TTC17: variants seen among roughly 807,000 people sequenced by gnomAD.
The protein encoded by TTC17 is tetratricopeptide repeat protein 17.
In TTC17, 58 loss-of-function variants were observed where a neutral mutation model predicts 143.8. That is an observed-to-expected ratio of 0.40 (90% CI 0.33 to 0.50). TTC17 has a LOEUF of 0.50. Among genes scored for constraint, TTC17 ranks in the 20% least tolerant of loss-of-function variants. The probability of loss-of-function intolerance (pLI) is 0.49; values close to 1 mark genes in which losing one functional copy is unlikely to be tolerated. For missense variants in TTC17, 1,273 were observed against 1,392.5 expected (o/e 0.91, Z 1.37); for synonymous variants, 501 against 497.8 (o/e 1.01, Z -0.09).
chr11:43,386,498 C>T (rs187426112), intron 2 of TTC17, among the ~76,000 whole-genome samples: 44 of 152,212 alleles, frequency 2.9e-4, no homozygotes, highest in Admixed American at 2.5e-3. Context: ...CCCTTGTTAA[C>T]CAAAAACATC....
chr11:43,408,193 A>C (rs1302274438), intron 15 of TTC17, among the ~76,000 whole-genome samples: 1 of 152,184 alleles, frequency 6.6e-6, no homozygotes, highest in Non-Finnish European at 1.5e-5. Flanking sequence ...AGTTATAATA[A>C]ATATACAATT....
At chr11:43,450,715 T>C (rs189193561) in intron 20 of TTC17, among the ~76,000 whole-genome samples, 161 of 152,298 alleles carry the variant, frequency 1.1e-3, no homozygotes, top group African/African-American at 3.3e-3. Context: ...TTAGAAAATA[T>C]ATAGAAATAT....
At chr11:43,402,572 A>AT (rs1315000730) in intron 10 of TTC17, among the ~76,000 whole-genome samples, 2 of 152,246 alleles carry the variant, frequency 1.3e-5, no homozygotes, top group East Asian at 1.9e-4. Context: ...AATTCTGAGT[A>AT]TAAAAAAAAA....
At chr11:43,465,491 T>TC (rs1032763246) in intron 21 of TTC17, among the ~76,000 whole-genome samples, 1 of 151,878 alleles carries the variant, frequency 6.6e-6, no homozygotes, top group African/African-American at 2.4e-5. Context: ...AAGGGAAATT[T>TC]CCCCCCAGAT....
intron 1 of TTC17, among the ~76,000 whole-genome samples, chr11:43,363,743 TAGTA>T (rs1565125919): frequency 2.0e-5 from 3 of 152,322 alleles, no homozygotes; most frequent in Admixed American, 2.0e-4. Flanking sequence ...TTCGTGGCAA[TAGTA>T]AGTAAAAATG....
At position 43,419,405 on chromosome 11, in the gene TTC17, A is replaced by G. The variant is rs562201373; in HGVS notation, c.2251+4629A>G. Among the ~76,000 whole-genome samples the G allele has an allele frequency of 2.0e-5, 3 of 152,320 alleles. No homozygotes were observed. The East Asian group carries it at 5.8e-4, about 29-fold the overall frequency. ...TATAGCATCTATTTATGTAAATCAT[A>G]TCTCCTTTTATAACTTGTTTCATTG... On this transcript the variant is annotated intron_variant, in intron 16 of 23. Transcript: ENST00000039989.
intron 1 of TTC17, among the ~76,000 whole-genome samples, chr11:43,371,957 AG>A (rs1268445133): frequency 7.2e-5 from 11 of 152,328 alleles, no homozygotes; most frequent in Admixed American, 6.5e-4. Flanking sequence ...CTGTAGTCCC[AG>A]TTACTCCGGA....
At chr11:43,375,861 A>G (rs1319180280) in intron 1 of TTC17, among the ~76,000 whole-genome samples, 7 of 152,218 alleles carry the variant, frequency 4.6e-5, no homozygotes, top group African/African-American at 1.7e-4. Flanking sequence ...TGGCAGTGAA[A>G]TAATTACCCT....
At position 43,396,784 on chromosome 11, in the gene TTC17, G is replaced by C; in HGVS notation, c.739G>C (p.Glu247Gln). 6.2e-7 allele frequency: 1 copy of C among 1,610,750 alleles called. No individual in the cohort carries two copies. The highest frequency in any genetic ancestry group is 8.5e-7 in the Non-Finnish European group (1 of 1,177,506). The change falls in exon 6 of 24, where the codon GAA (glutamate) becomes CAA (glutamine). Residue 247 changes from glutamate (E) to glutamine (Q), a missense_variant. By Grantham distance (29) the Glu-to-Gln change is conservative (BLOSUM62 2). This residue lies in a region of TTC17 where 325 missense variants were observed against 444.2 expected (regional missense o/e 0.73). Coordinates refer to ENST00000039989, the MANE Select transcript of TTC17 (RefSeq NM_018259.6). ...RIKNEPYQVV[E>Q]CAMRALHFSS... ...TAAGAATGAGCCATATCAGGTAGTA[G>C]AATGTGCCATGCGAGCACTTCACTT...
At chr11:43,447,909 C>CA (rs1947579380) in intron 18 of TTC17, 93 bp from the exon 19 acceptor site, 2 of 1,499,660 alleles carry the variant, frequency 1.3e-6, no homozygotes, top group Non-Finnish European at 9.0e-7. Flanking sequence ...CCTCCAAATA[C>CA]ACCAATCCAG....
chr11:43,385,423 G>C (rs1857133234), intron 2 of TTC17, among the ~76,000 whole-genome samples: 1 of 150,054 alleles, frequency 6.7e-6, no homozygotes, highest in African/African-American at 2.4e-5. Flanking sequence ...CAGGAAAAAA[G>C]AGAGAAAACA....
intron 21 of TTC17, chr11:43,466,753 G>A: frequency 6.4e-6 from 2 of 311,168 alleles, no homozygotes; most frequent in South Asian, 3.5e-5. Flanking sequence ...TGGTGGGATG[G>A]CAAGCATGTG....
At chr11:43,457,142 G>C (rs1182543273) in intron 21 of TTC17, among the ~76,000 whole-genome samples, 2 of 151,964 alleles carry the variant, frequency 1.3e-5, no homozygotes, top group Non-Finnish European at 2.9e-5. Context: ...TGGCACTCTG[G>C]GGATTCTGAT....
At chr11:43,490,986 T>G (rs145270203) in intron 22 of TTC17, 14 of 152,284 alleles carry the variant, frequency 9.2e-5, no homozygotes, top group Non-Finnish European at 2.1e-4. Flanking sequence ...TCATGTGTTC[T>G]GAGTTCTGCA....
intron 21 of TTC17, among the ~76,000 whole-genome samples, chr11:43,474,707 A>G (rs191398925): frequency 9.2e-5 from 14 of 152,338 alleles, no homozygotes; most frequent in African/African-American, 3.4e-4. Flanking sequence ...AAATCCACAT[A>G]TAACTTTTGA....
intron 21 of TTC17, among the ~76,000 whole-genome samples, chr11:43,487,207 G>A (rs966303962): frequency 3.3e-5 from 5 of 152,014 alleles, no homozygotes; most frequent in African/African-American, 7.2e-5. Context: ...GTGTAGTGGC[G>A]CAATCTTGGT....
chr11:43,471,696 A>G (rs897855667), intron 21 of TTC17, among the ~76,000 whole-genome samples: 3 of 152,252 alleles, frequency 2.0e-5, no homozygotes, highest in Admixed American at 1.3e-4. Context: ...AGGTTTTAGC[A>G]TTATCAAGAA....
chr11:43,464,482 TAAC>T (rs1221464670), intron 21 of TTC17, among the ~76,000 whole-genome samples: 4 of 152,258 alleles, frequency 2.6e-5, no homozygotes, highest in South Asian at 4.1e-4. Flanking sequence ...GATGAATAAC[TAAC>T]TTTTTTTAAA....
chr11:43,410,308 G>A (rs1366186804), intron 15 of TTC17, among the ~76,000 whole-genome samples: 5 of 151,844 alleles, frequency 3.3e-5, no homozygotes, highest in Non-Finnish European at 7.4e-5. Context: ...TTTTATCTTA[G>A]CATTTAAAAA....
Sources: gnomAD v4.1 joint callset for allele counts (sites outside exome capture counted in the v4.1 genomes callset) on GRCh38, gnomAD v4.1.1 for gene constraint, gnomAD v4.1.1 regional missense constraint, MANE v1.5 for transcripts, NCBI Gene and HGNC (gene_info 2026-07-23, HGNC 2026-07-21) for gene names.